PRELID2: variants seen among roughly 807,000 people sequenced by gnomAD.
The protein encoded by PRELID2 is PRELI domain containing 2.
In PRELID2, 25 loss-of-function variants were observed where a neutral mutation model predicts 28.4. The observed-to-expected ratio is 0.88, with a 90% CI of 0.64 to 1.23. The LOEUF (loss-of-function observed/expected upper bound fraction) is 1.23, where lower values mean the gene tolerates loss of function less well. Among genes scored for constraint, PRELID2 ranks in the 50% most tolerant of loss-of-function variants. PRELID2 has a pLI of 0.00. For synonymous variants in PRELID2, 76 were observed against 71.6 expected (o/e 1.06, Z -0.31); for missense variants, 201 against 214.4 (o/e 0.94, Z 0.39).
chr5:145,620,295 A>C (rs1753756525), intron 1 of PRELID2, among the ~76,000 whole-genome samples: 1 of 152,226 alleles, frequency 6.6e-6, no homozygotes, highest in South Asian at 2.1e-4. Flanking sequence ...AAGCAAAGAG[A>C]TCTACAAGCA....
chr5:145,605,798 T>C (rs946843212), intron 1 of PRELID2, among the ~76,000 whole-genome samples: 2 of 151,878 alleles, frequency 1.3e-5, no homozygotes, highest in African/African-American at 4.8e-5. Flanking sequence ...ATGAATACAA[T>C]TGAAGAATGT....
the PRELID2 span, among the ~76,000 whole-genome samples, chr5:145,413,611 T>TACACAC: frequency 0.019 from 2,660 of 140,138 alleles, 71 homozygotes; most frequent in African/African-American, 0.057. Flanking sequence ...ATGAAGAAAA[T>TACACAC]ACACACACAC....
At chr5:145,657,895 C>T (rs1754423686) in intron 1 of PRELID2, among the ~76,000 whole-genome samples, 1 of 152,210 alleles carries the variant, frequency 6.6e-6, no homozygotes, top group Non-Finnish European at 1.5e-5. Context: ...TCCACAGTCA[C>T]TATCTTTCTG....
At chr5:145,724,096 AT>A (rs1055428248) in intron 1 of PRELID2, among the ~76,000 whole-genome samples, 2 of 152,190 alleles carry the variant, frequency 1.3e-5, no homozygotes, top group African/African-American at 4.8e-5. Context: ...ACATGCAAAT[AT>A]ACATATATTT....
chr5:145,349,750 T>C, the PRELID2 span, among the ~76,000 whole-genome samples: 1 of 152,150 alleles, frequency 6.6e-6, no homozygotes, highest in Non-Finnish European at 1.5e-5. Context: ...GTCTTTATTA[T>C]AAGTAAACAC....
At chr5:145,522,771 G>GGAA (rs1459017664) in intron 1 of PRELID2, among the ~76,000 whole-genome samples, 1 of 151,440 alleles carries the variant, frequency 6.6e-6, no homozygotes, top group African/African-American at 2.4e-5. Flanking sequence ...AGGAGGAGGA[G>GGAA]GAGGAGGAAG....
At chr5:145,792,653 A>T (rs1194481438) in intron 5 of PRELID2, among the ~76,000 whole-genome samples, 2 of 152,198 alleles carry the variant, frequency 1.3e-5, no homozygotes, top group Non-Finnish European at 2.9e-5. Flanking sequence ...GGTGACACCC[A>T]AAAAGTGCTG....
the PRELID2 span, among the ~76,000 whole-genome samples, chr5:145,361,499 T>C: frequency 7.9e-5 from 12 of 152,296 alleles, no homozygotes; most frequent in South Asian, 1.2e-3. Context: ...CTGGTCCCTA[T>C]TGAGAATGCA....
At chr5:145,427,487 C>T in the PRELID2 span, among the ~76,000 whole-genome samples, 1 of 152,116 alleles carries the variant, frequency 6.6e-6, no homozygotes, top group Non-Finnish European at 1.5e-5. Context: ...TTGGAATTAA[C>T]TAGTGGAGAG....
intron 1 of PRELID2, among the ~76,000 whole-genome samples, chr5:145,667,113 C>T (rs972133054): frequency 6.6e-6 from 1 of 152,014 alleles, no homozygotes; most frequent in Admixed American, 6.6e-5. Context: ...ATTTTTAAGT[C>T]TCAATACGCA....
At chr5:145,345,792 G>A in the PRELID2 span, among the ~76,000 whole-genome samples, 1 of 151,982 alleles carries the variant, frequency 6.6e-6, no homozygotes. Context: ...GATTGATGCA[G>A]ATGCAAAATT....
At chr5:145,691,416 T>A (rs1313861387) in intron 1 of PRELID2, among the ~76,000 whole-genome samples, 1 of 152,056 alleles carries the variant, frequency 6.6e-6, no homozygotes, top group Non-Finnish European at 1.5e-5. Context: ...AGTAATTATC[T>A]AAGACTCGGC....
chr5:145,673,157 C>T (rs910734200), intron 1 of PRELID2, among the ~76,000 whole-genome samples: 3 of 152,180 alleles, frequency 2.0e-5, no homozygotes, highest in African/African-American at 7.2e-5. Flanking sequence ...ATATTCAAAT[C>T]AGCAAAGTGC....
chr5:145,659,877 T>C (rs1275288496), intron 1 of PRELID2, among the ~76,000 whole-genome samples: 1 of 152,116 alleles, frequency 6.6e-6, no homozygotes, highest in African/African-American at 2.4e-5. Context: ...AGCATTGAAA[T>C]ATGGTGAGTC....
At chr5:145,370,030 CAGAT>C in the PRELID2 span, among the ~76,000 whole-genome samples, 1 of 151,282 alleles carries the variant, frequency 6.6e-6, no homozygotes, top group African/African-American at 2.4e-5. Context: ...AGACCTTTGT[CAGAT>C]AGATAGATTG....
chr5:145,413,005 C>A, the PRELID2 span, among the ~76,000 whole-genome samples: 1 of 152,110 alleles, frequency 6.6e-6, no homozygotes, highest in Non-Finnish European at 1.5e-5. Flanking sequence ...ATTATCTTGA[C>A]CTGTCCCCCC....
chr5:145,542,014 G>T, intron 1 of PRELID2, among the ~76,000 whole-genome samples: 1 of 152,140 alleles, frequency 6.6e-6, no homozygotes, highest in South Asian at 2.1e-4. Context: ...GGGTTTGGGG[G>T]AAATTAATAT....
At chr5:145,733,959 T>TATA (rs1001053603) in intron 1 of PRELID2, among the ~76,000 whole-genome samples, 5 of 151,836 alleles carry the variant, frequency 3.3e-5, no homozygotes, top group African/African-American at 1.2e-4. Context: ...AGATCCAGAG[T>TATA]ATAATTTAAA....
chr5:145,802,822 T>A (rs1160884438), intron 4 of PRELID2, among the ~76,000 whole-genome samples: 2 of 152,176 alleles, frequency 1.3e-5, no homozygotes, highest in African/African-American at 4.8e-5. Flanking sequence ...TATACAGTCA[T>A]TTAAAAATTT....
Sources: gnomAD v4.1 joint callset for allele counts (sites outside exome capture counted in the v4.1 genomes callset) on GRCh38, gnomAD v4.1.1 for gene constraint, MANE v1.5 for transcripts, NCBI Gene and HGNC (gene_info 2026-07-23, HGNC 2026-07-21) for gene names.